The following CATSPERT variants were observed in gnomAD, a reference collection of about 807,000 sequenced individuals.
CATSPERT encodes the protein catsper channel auxiliary subunit tau.
At chr2:201,563,139 G>C in the CATSPERT span, among the ~76,000 whole-genome samples, 5 of 52,290 alleles carry the variant, frequency 9.6e-5, no homozygotes, top group Admixed American at 1.3e-3. Context: ...CTGGCCGGGC[G>C]GGGGGCTGAC....
the CATSPERT span, chr2:201,494,060 A>T: frequency 6.5e-7 from 1 of 1,535,232 alleles, no homozygotes; most frequent in Non-Finnish European, 8.7e-7. Flanking sequence ...CTACCTTCTG[A>T]AAATGAATCT....
At chr2:201,577,108 C>T in the CATSPERT span, among the ~76,000 whole-genome samples, 2 of 152,128 alleles carry the variant, frequency 1.3e-5, no homozygotes, top group African/African-American at 2.4e-5. Flanking sequence ...TTGTTTCATG[C>T]ACAAAATTAT....
the CATSPERT span, among the ~76,000 whole-genome samples, chr2:201,610,180 C>T: frequency 2.6e-5 from 4 of 152,164 alleles, no homozygotes; most frequent in African/African-American, 9.7e-5. Context: ...CTCAGCTAGG[C>T]ACGGTGGCTC....
At chr2:201,569,102 C>T in the CATSPERT span, among the ~76,000 whole-genome samples, 2 of 152,158 alleles carry the variant, frequency 1.3e-5, no homozygotes, top group Non-Finnish European at 2.9e-5. Context: ...TGCACAAATA[C>T]CACGGTAAAA....
chr2:201,615,591 A>G, the CATSPERT span, among the ~76,000 whole-genome samples: 1 of 152,258 alleles, frequency 6.6e-6, no homozygotes, highest in Non-Finnish European at 1.5e-5. Context: ...CTAAATGCCC[A>G]CAAGAGAAAG....
chr2:201,489,997 C>T, the CATSPERT span, among the ~76,000 whole-genome samples: 1 of 152,006 alleles, frequency 6.6e-6, no homozygotes, highest in East Asian at 1.9e-4. Context: ...GCTGGGATTA[C>T]AGGCGTGCAC....
chr2:201,503,697 C>T, the CATSPERT span, among the ~76,000 whole-genome samples: 242 of 152,180 alleles, frequency 1.6e-3, 1 homozygote, highest in African/African-American at 5.6e-3. Context: ...TGTGCCTGGC[C>T]GAACACCTGG....
chr2:201,545,645 A>AAAAAAAAAG, the CATSPERT span: 1 of 837,306 alleles, frequency 1.2e-6, no homozygotes, highest in South Asian at 2.3e-5. Flanking sequence ...AAAAAAAAAA[A>AAAAAAAAAG]AAAAAAAAGA....
chr2:201,548,728 C>T, the CATSPERT span, among the ~76,000 whole-genome samples: 5 of 152,054 alleles, frequency 3.3e-5, no homozygotes, highest in African/African-American at 9.6e-5. Context: ...CTGACAAAGA[C>T]ATTACAAAAA....
the CATSPERT span, among the ~76,000 whole-genome samples, chr2:201,616,609 T>C: frequency 6.6e-6 from 1 of 152,198 alleles, no homozygotes; most frequent in Non-Finnish European, 1.5e-5. Context: ...TCATACTGAA[T>C]GGGCAAAAAC....
chr2:201,618,787 A>G, the CATSPERT span: 2 of 805,236 alleles, frequency 2.5e-6, no homozygotes, highest in Non-Finnish European at 3.9e-6. Flanking sequence ...AATGTGTGCC[A>G]ATTGAAGGGA....
the CATSPERT span, among the ~76,000 whole-genome samples, chr2:201,614,183 C>T: frequency 6.6e-6 from 1 of 152,152 alleles, no homozygotes; most frequent in Non-Finnish European, 1.5e-5. Flanking sequence ...GGCAGGCCAA[C>T]ATTCAAATTC....
At chr2:201,600,421 C>T in the CATSPERT span, among the ~76,000 whole-genome samples, 3 of 152,080 alleles carry the variant, frequency 2.0e-5, no homozygotes, top group Non-Finnish European at 4.4e-5. Flanking sequence ...GAACATCACA[C>T]ACCAGGGCCT....
the CATSPERT span, among the ~76,000 whole-genome samples, chr2:201,610,974 A>G: frequency 6.6e-6 from 1 of 152,234 alleles, no homozygotes. Flanking sequence ...AATGTACTTC[A>G]ACATAATAAA....
At chr2:201,585,826 TG>T in the CATSPERT span, among the ~76,000 whole-genome samples, 2 of 151,902 alleles carry the variant, frequency 1.3e-5, no homozygotes, top group African/African-American at 4.8e-5. Flanking sequence ...AGAAGAAAAA[TG>T]GAATGAAATT....
At chr2:201,602,440 A>C in the CATSPERT span, among the ~76,000 whole-genome samples, 2 of 152,286 alleles carry the variant, frequency 1.3e-5, no homozygotes, top group Admixed American at 6.5e-5. Flanking sequence ...TTATATAAAA[A>C]AGAAACATCA....
At chr2:201,531,292 C>T in the CATSPERT span, among the ~76,000 whole-genome samples, 1 of 151,966 alleles carries the variant, frequency 6.6e-6, no homozygotes, top group Admixed American at 6.6e-5. Flanking sequence ...ACTAATTCAA[C>T]AGATATTTAC....
the CATSPERT span, chr2:201,487,527 T>C: frequency 7.9e-5 from 99 of 1,254,514 alleles, no homozygotes; most frequent in Non-Finnish European, 1.1e-4. Context: ...ATTTTGTTAA[T>C]GGAGAAGTGA....
At chr2:201,579,680 TG>T in the CATSPERT span, among the ~76,000 whole-genome samples, 1 of 151,800 alleles carries the variant, frequency 6.6e-6, no homozygotes. Flanking sequence ...TGGTGCGTTT[TG>T]GTTTTTTTTT....
Sources: gnomAD v4.1 joint callset for allele counts (sites outside exome capture counted in the v4.1 genomes callset) on GRCh38, gnomAD v4.1.1 for gene constraint, MANE v1.5 for transcripts, NCBI Gene and HGNC (gene_info 2026-07-23, HGNC 2026-07-21) for gene names.